Variants in ERBB4 observed in about 807,000 individuals in gnomAD.
The protein encoded by ERBB4 is receptor tyrosine-protein kinase erbB-4.
ERBB4 carries 42 observed loss-of-function variants against 158.0 expected under a neutral mutation model. The ratio of observed to expected loss-of-function variants is 0.27; its 90% CI spans 0.21 to 0.34. The LOEUF is 0.34. Among genes scored for constraint, ERBB4 ranks in the 10% least tolerant of loss-of-function variants. The pLI, the probability that ERBB4 is intolerant of heterozygous loss-of-function variation, is 1.00. For missense variants in ERBB4, 1,333 were observed against 1,624.1 expected (o/e 0.82, Z 3.08); for synonymous variants, 583 against 558.7 (o/e 1.04, Z -0.61).
At chr2:212,391,055 G>A (rs908643084) in intron 1 of ERBB4, among the ~76,000 whole-genome samples, 3 of 151,724 alleles carry the variant, frequency 2.0e-5, no homozygotes, top group African/African-American at 7.2e-5. Flanking sequence ...TTTCACTGCT[G>A]TGTTTACGTC....
intron 1 of ERBB4, among the ~76,000 whole-genome samples, chr2:212,133,983 C>T (rs16847773): frequency 0.029 from 4,339 of 152,220 alleles, 145 homozygotes; most frequent in African/African-American, 0.078. Context: ...TCCAGCTTAA[C>T]TGTTATGAGC....
At chr2:211,844,572 G>A (rs1166489705) in intron 3 of ERBB4, among the ~76,000 whole-genome samples, 3 of 152,122 alleles carry the variant, frequency 2.0e-5, no homozygotes, top group African/African-American at 7.2e-5. Flanking sequence ...TGTGTGGACT[G>A]TCGAGGGAGA....
chr2:211,502,993 G>A (rs1267003277), intron 20 of ERBB4, among the ~76,000 whole-genome samples: 1 of 152,104 alleles, frequency 6.6e-6, no homozygotes, highest in Admixed American at 6.5e-5. Context: ...CGTGGTTGAA[G>A]AGGGAGGAAG....
Position 212,507,176 on chromosome 2 carries a change from T to G in ERBB4, c.82+31273A>C, listed in dbSNP as rs182485157. ...GACAGCATTGTTATGACAGCATGAA[T>G]ATTTTAAACCTACTATTGGAGACCT... On this transcript the variant is annotated intron_variant, in intron 1 of 27. Transcript: ENST00000342788. Among the ~76,000 whole-genome samples the G allele has an allele frequency of 2.0e-5, 3 of 151,802 alleles. No homozygotes were observed. The East Asian group carries it at 5.8e-4, about 29-fold the overall frequency.
Position 211,378,703 on chromosome 2 carries a change from T to C in ERBB4, c.*4912A>G, listed in dbSNP as rs1195525955. 4.3e-6 allele frequency: 1 copy of C among 232,424 alleles called. No individual in the cohort carries two copies. Among genetic ancestry groups the C allele is most frequent in the Non-Finnish European group, 8.5e-6 (1 of 117,352 alleles). 14.4% of individuals were successfully genotyped at this position (232,424 alleles called of 1,614,324 possible). A position where few individuals can be genotyped will look rare whatever the true frequency, so the allele number is the denominator to read the frequency against. On this transcript the variant is annotated 3_prime_UTR_variant, in exon 28 of 28. Transcript: ENST00000342788. The stretch of plus-strand genomic sequence containing the variant: ...AATGATCTTTTAAAATTATGCCTGA[T>C]CTCATCTGTATAATATTTGTTCTTA...
chr2:211,901,489 C>G (rs970441604), intron 3 of ERBB4, among the ~76,000 whole-genome samples: 1 of 152,070 alleles, frequency 6.6e-6, no homozygotes, highest in African/African-American at 2.4e-5. Context: ...TCCAAATGTC[C>G]TTCTGCAAGC....
chr2:211,959,356 C>T (rs1378795857), intron 2 of ERBB4, among the ~76,000 whole-genome samples: 2 of 152,072 alleles, frequency 1.3e-5, no homozygotes, highest in Non-Finnish European at 2.9e-5. Context: ...TTTACAATAA[C>T]TTGCAAGTGA....
chr2:211,878,411 G>T (rs1189797895), intron 3 of ERBB4, among the ~76,000 whole-genome samples: 3 of 152,096 alleles, frequency 2.0e-5, no homozygotes, highest in Non-Finnish European at 4.4e-5. Flanking sequence ...AGTATTCATT[G>T]AAAAAGTAAT....
intron 1 of ERBB4, among the ~76,000 whole-genome samples, chr2:212,238,365 A>C (rs1188736397): frequency 6.6e-6 from 1 of 152,090 alleles, no homozygotes; most frequent in Non-Finnish European, 1.5e-5. Context: ...GTGGTGAGGC[A>C]ACACCCTATC....
intron 1 of ERBB4, among the ~76,000 whole-genome samples, chr2:212,166,144 T>C (rs752473360): frequency 5.9e-5 from 9 of 152,154 alleles, no homozygotes; most frequent in Non-Finnish European, 8.8e-5. Context: ...CTTTAGACAC[T>C]AAATAAACTA....
intron 1 of ERBB4, chr2:212,429,225 G>C (rs190408978): frequency 5.9e-5 from 9 of 152,294 alleles, no homozygotes; most frequent in Admixed American, 2.6e-4. Context: ...AGATCTCACA[G>C]AGAGGGAACC....
At chr2:211,622,737 G>C (rs532122351) in intron 18 of ERBB4, among the ~76,000 whole-genome samples, 1 of 150,820 alleles carries the variant, frequency 6.6e-6, no homozygotes, top group East Asian at 2.0e-4. Context: ...AAGCCAAGGC[G>C]GGTAGATCAC....
chr2:211,876,684 C>T (rs1417579913), intron 3 of ERBB4, among the ~76,000 whole-genome samples: 1 of 152,026 alleles, frequency 6.6e-6, no homozygotes, highest in African/African-American at 2.4e-5. Flanking sequence ...ATTGAGGGGA[C>T]AGGTATTGAC....
chr2:211,993,692 C>T (rs1385660501), intron 2 of ERBB4, among the ~76,000 whole-genome samples: 1 of 149,576 alleles, frequency 6.7e-6, no homozygotes, highest in Admixed American at 6.8e-5. Flanking sequence ...ATTGGTATGA[C>T]ATTTTTGCCC....
At chr2:212,211,173 T>TACCATCATCTAATGCTTGC (rs2082921610) in intron 1 of ERBB4, among the ~76,000 whole-genome samples, 1 of 152,152 alleles carries the variant, frequency 6.6e-6, no homozygotes, top group South Asian at 2.1e-4. Context: ...CACTCAAGGC[T>TACCATCATCTAATGCTTGC]ACCATCATCT....
chr2:211,443,384 T>C (rs1484707088), intron 20 of ERBB4, among the ~76,000 whole-genome samples: 1 of 152,128 alleles, frequency 6.6e-6, no homozygotes, highest in Non-Finnish European at 1.5e-5. Context: ...TTGCTGAATA[T>C]TTTTAATTCT....
chr2:212,300,291 G>A (rs535533113), intron 1 of ERBB4, among the ~76,000 whole-genome samples: 6 of 151,642 alleles, frequency 4.0e-5, no homozygotes, highest in South Asian at 2.1e-4. Context: ...TTCATTTTGT[G>A]TGTGTGACCC....
intron 20 of ERBB4, among the ~76,000 whole-genome samples, chr2:211,511,125 A>G (rs2065874157): frequency 6.6e-6 from 1 of 152,034 alleles, no homozygotes; most frequent in African/African-American, 2.4e-5. Flanking sequence ...GTATTAGTAT[A>G]TTAAACTGCC....
intron 5 of ERBB4, among the ~76,000 whole-genome samples, chr2:211,745,730 C>A (rs5838283): frequency 0.45 from 55,268 of 122,958 alleles, 12,687 homozygotes; most frequent in Non-Finnish European, 0.5. Flanking sequence ...AAAACAAAAA[C>A]AAAACAAAAA....
Sources: gnomAD v4.1 joint callset for allele counts (sites outside exome capture counted in the v4.1 genomes callset) on GRCh38, gnomAD v4.1.1 for gene constraint, MANE v1.5 for transcripts, NCBI Gene and HGNC (gene_info 2026-07-23, HGNC 2026-07-21) for gene names.